Variants in RPAP1 observed in about 807,000 individuals in gnomAD.
RPAP1 encodes the protein RNA polymerase II-associated protein 1.
A neutral mutation model predicts 142.4 loss-of-function variants in RPAP1; 109 were observed. The observed-to-expected ratio is 0.77, with a 90% CI of 0.66 to 0.90. The LOEUF is 0.90. Ranked by LOEUF, RPAP1 falls within the 40% of genes least tolerant of loss-of-function variation. The pLI, the probability that RPAP1 is intolerant of heterozygous loss-of-function variation, is 0.00. For synonymous variants in RPAP1, 704 were observed against 738.9 expected (o/e 0.95, Z 0.77); for missense variants, 1,546 against 1,751.7 (o/e 0.88, Z 2.10).
chr15:41,529,063 A>G (rs1424579264), intron 9 of RPAP1, among the ~76,000 whole-genome samples: 2 of 152,134 alleles, frequency 1.3e-5, no homozygotes, highest in African/African-American at 4.8e-5. Flanking sequence ...AGCCTAAGAA[A>G]CTGAATGCCA....
At position 41,527,615 on chromosome 15, in the gene RPAP1, G is replaced by A; in HGVS notation, c.1429-10C>T. The A allele has an allele frequency of 1.2e-6, 2 of 1,607,452 alleles. No homozygotes were observed. The highest frequency in any genetic ancestry group is 8.5e-7 in the Non-Finnish European group (1 of 1,177,246). On this transcript the variant is annotated splice_polypyrimidine_tract_variant and intron_variant, in intron 11 of 24. Transcript: ENST00000304330. ...TGCTGTCGAGGAGCTCCTGCCAGAG[G>A]AACGGGAGTTGGGGGGCAATGCTGA...
At chr15:41,530,181 C>G (rs1042896188) in intron 7 of RPAP1, among the ~76,000 whole-genome samples, 1 of 152,138 alleles carries the variant, frequency 6.6e-6, no homozygotes, top group Non-Finnish European at 1.5e-5. Context: ...CAGACACACT[C>G]CATCCTGGGC....
intron 6 of RPAP1, among the ~76,000 whole-genome samples, chr15:41,531,627 ATTTTTTTTTTTTTTTT>A (rs150550154): frequency 4.5e-5 from 1 of 22,032 alleles, no homozygotes. Context: ...ATATATATAT[ATTTTTTTTTTTTTTTT>A]TTTTTTTTTT....
At chr15:41,535,370 CT>C in intron 5 of RPAP1, 141 bp downstream of exon 5, 1 of 1,217,048 alleles carries the variant, frequency 8.2e-7, no homozygotes, top group Non-Finnish European at 1.1e-6. Flanking sequence ...GGACCCAAGC[CT>C]CCCATACCTA....
rs751037669 is a variant in RPAP1, at chr15:41,522,175, G to C, written c.2818C>G (p.Leu940Val). The C allele has an allele frequency of 1.2e-6, 2 of 1,614,106 alleles. No individual in the cohort carries two copies. The highest frequency in any genetic ancestry group is 2.2e-5 in the East Asian group (1 of 44,882). The change falls in exon 20 of 25, where the codon CTC (leucine) becomes GTC (valine). Residue 940 changes from leucine (L) to valine (V), a missense_variant. Leu to Val is a conservative substitution (Grantham distance 32, BLOSUM62 1). Coordinates refer to ENST00000304330, the MANE Select transcript of RPAP1 (RefSeq NM_015540.4). ...AGGGCCCATGCAGAGAAAGGTGTGAGGTGTGGGGCAGCCCCAGGAGCCACA... is the reference window on the plus strand; with the variant it reads ...AGGGCCCATGCAGAGAAAGGTGTGACGTGTGGGGCAGCCCCAGGAGCCACA... ...QCVAPGAAPH[L>V]TPFSAWALRH...
intron 2 of RPAP1, 26 bp from the exon 3 acceptor site, chr15:41,536,675 G>A: frequency 6.2e-7 from 1 of 1,610,552 alleles, no homozygotes; most frequent in Non-Finnish European, 8.5e-7. Context: ...TCCCAAACGT[G>A]AGTATATGCA....
At position 41,534,825 on chromosome 15, in the gene RPAP1, G is replaced by C; in HGVS notation, c.652C>G (p.Gln218Glu). Residue 218 changes from glutamine to glutamate, a missense_variant, in exon 6 of 25, where the codon CAA becomes GAA. This residue lies in a region of RPAP1 where 1,333 missense variants were observed against 1,486.6 expected (regional missense o/e 0.90). Transcript: ENST00000304330. ...GTCTGGGCTTCCTGCTCAGCTTCTT[G>C]ATCCCTGAGCCCCTTCCCTGTGACC... is the stretch of plus-strand genomic sequence containing the variant. Reference protein sequence around the residue: ...NLVTGKGLRDQEAEQEAQTIH... With the variant: ...NLVTGKGLRDEEAEQEAQTIH... 1 of 1,614,132 alleles carries C rather than the reference G, an allele frequency of 6.2e-7. No homozygotes were observed. Among genetic ancestry groups the C allele is most frequent in the Non-Finnish European group, 8.5e-7 (1 of 1,180,016 alleles).
In RPAP1 at chr15:41,535,579, T is replaced by C; in HGVS notation, c.474A>G (p.Ala158=). 6.2e-7 allele frequency: 1 copy of C among 1,614,086 alleles called. No individual in the cohort carries two copies. Among genetic ancestry groups the C allele is most frequent in the Non-Finnish European group, 8.5e-7 (1 of 1,179,990 alleles). The part of the protein sequence containing the change: ...KRSIFAQEIA[A]RRIAEAKGPS... ...GGCCCTTGGCTTCAGCTATCCTCCTTGCCGCAATTTCCTGGGCAAAGATGC... is the reference window on the plus strand; with the variant it reads ...GGCCCTTGGCTTCAGCTATCCTCCTCGCCGCAATTTCCTGGGCAAAGATGC... Residue 158 remains alanine (A), a synonymous_variant, in exon 5 of 25, where the codon GCA becomes GCG. Transcript: ENST00000304330.
chr15:41,527,573 A>G lies in RPAP1; in HGVS notation c.1461T>C (p.His487=), dbSNP rs753710623. ...ELLDSTFSWY[H]GALTFPLMPS... ...GCATCAGAGGGAACGTCAAAGCTCCATGGTACCAAGAGAAGGTGCTGTCGA... is the reference window on the plus strand; with the variant it reads ...GCATCAGAGGGAACGTCAAAGCTCCGTGGTACCAAGAGAAGGTGCTGTCGA... The change falls in exon 12 of 25, where the codon CAT becomes CAC. Residue 487 remains histidine, a synonymous_variant. Transcript: ENST00000304330. 6.8e-6 allele frequency: 11 copies of G among 1,613,834 alleles called. No homozygotes were observed. The highest frequency in any genetic ancestry group is 4.5e-5 in the East Asian group (2 of 44,882).
Position 41,534,909 on chromosome 15 carries a change from G to A in RPAP1, c.568C>T (p.Pro190Ser). 6.2e-7 allele frequency: 1 copy of A among 1,614,152 alleles called. No individual in the cohort carries two copies. Residue 190 changes from proline to serine, a missense_variant, in exon 6 of 25, where the codon CCT (proline) becomes TCT (serine). Pro to Ser is a moderately conservative substitution (Grantham distance 74). Coordinates refer to ENST00000304330, the MANE Select transcript of RPAP1 (RefSeq NM_015540.4). ...EGAVTCETPT[P>S]RNQGCQLPGS... is the part of the protein sequence containing the mutation. Reference sequence around the variant, plus strand: ...GGAAGCTGGCAGCCCTGGTTCCTAGGAGTGGGTGTCTCACAGGTCACGGCA... The same window carrying A: ...GGAAGCTGGCAGCCCTGGTTCCTAGAAGTGGGTGTCTCACAGGTCACGGCA...
intron 6 of RPAP1, 28 bp downstream of exon 6, chr15:41,534,686 T>A: frequency 1.3e-6 from 2 of 1,561,056 alleles, no homozygotes; most frequent in Non-Finnish European, 1.8e-6. Flanking sequence ...CCTAGCCTGG[T>A]CTCAGCAGGA....
At chr15:41,543,423 G>C (rs61463203) in intron 1 of RPAP1, among the ~76,000 whole-genome samples, 2 of 151,918 alleles carry the variant, frequency 1.3e-5, no homozygotes, top group East Asian at 3.9e-4. Flanking sequence ...ATGTTGGCCA[G>C]ACTGGTCTCG....
chr15:41,527,722 C>T, intron 11 of RPAP1, 117 bp from the exon 12 acceptor site: 1 of 1,457,146 alleles, frequency 6.9e-7, no homozygotes, highest in Non-Finnish European at 9.2e-7. Flanking sequence ...GCTTTAGGGA[C>T]TTTAGGAGAT....
chr15:41,541,284 G>A (rs367837497), intron 1 of RPAP1, among the ~76,000 whole-genome samples: 1 of 152,026 alleles, frequency 6.6e-6, no homozygotes, highest in East Asian at 1.9e-4. Context: ...TTAGGCAGGC[G>A]TGGTGGCATG....
rs770094599 is a variant in RPAP1, at chr15:41,527,896, A to G, written c.1392T>C (p.Arg464=). The G allele has an allele frequency of 1.9e-6, 3 of 1,614,078 alleles. No individual in the cohort carries two copies. The highest frequency in any genetic ancestry group is 8.5e-7 in the Non-Finnish European group (1 of 1,180,000). The stretch of plus-strand genomic sequence containing the variant: ...GAGCCACCAGCAGAGCCCGAAGAGC[A>G]CGGATGGCGGTTGCAATGACCCCAT... ...RVDGVIATAI[R]ALRALLVAPG... Residue 464 remains arginine, a synonymous_variant, in exon 11 of 25, where the codon CGT becomes CGC. Coordinates refer to ENST00000304330, the MANE Select transcript of RPAP1 (RefSeq NM_015540.4).
intron 1 of RPAP1, among the ~76,000 whole-genome samples, chr15:41,540,118 G>A (rs1423171914): frequency 6.6e-6 from 1 of 152,108 alleles, no homozygotes; most frequent in Non-Finnish European, 1.5e-5. Flanking sequence ...CGCTGGGCTG[G>A]CCAAAGATAT....
rs1028841529 is a variant in RPAP1 at position 41,539,279 on chromosome 15, G to T, written c.-76-2078C>A. ...GCACCACCACACTCAGCTAATTTTT[G>T]TTTTTTTTTTTGTTTTTTGTTTTTT... is the stretch of plus-strand genomic sequence containing the variant. On this transcript the variant is annotated intron_variant, in intron 1 of 24. Coordinates refer to ENST00000304330, the MANE Select transcript of RPAP1 (RefSeq NM_015540.4). 1.8e-4 allele frequency among the ~76,000 whole-genome samples: 25 copies of T among 142,242 alleles called. No homozygotes were observed. In the South Asian group the frequency reaches 3.2e-3, roughly 18 times the overall value. The allele number at this position is 142,242 out of a possible 152,430, so 93.3% of individuals were successfully genotyped here.
rs1413715571 is a variant in RPAP1, at chr15:41,520,939, G to A, written c.3247C>T (p.Arg1083Ter). Residue 1083 changes from arginine to a stop codon, truncating the protein, a stop_gained, in exon 22 of 25, where the codon CGA (arginine) becomes TGA (stop). Coordinates refer to ENST00000304330, the MANE Select transcript of RPAP1 (RefSeq NM_015540.4). LOFTEE classifies it high-confidence loss of function. ...SQALHRGELQ[R>*]VPTLLLPMPT... Reference sequence around the variant, plus strand: ...ATGGGCAGTAGCAGGGTTGGGACTCGCTGTAGCTCCCCTCGGTGCAGAGCC... The same window carrying A: ...ATGGGCAGTAGCAGGGTTGGGACTCACTGTAGCTCCCCTCGGTGCAGAGCC... 3 of 1,612,208 alleles carry A rather than the reference G, an allele frequency of 1.9e-6. No homozygotes were observed. Among genetic ancestry groups the A allele is most frequent in the Non-Finnish European group, 2.5e-6 (3 of 1,179,206 alleles).
chr15:41,532,584 GT>G (rs1426376487), intron 6 of RPAP1, among the ~76,000 whole-genome samples: 1 of 152,126 alleles, frequency 6.6e-6, no homozygotes, highest in African/African-American at 2.4e-5. Context: ...GTATCACAGA[GT>G]AGAAGAGACT....
Sources: allele counts gnomAD v4.1 joint callset (sites outside exome capture counted in the v4.1 genomes callset), GRCh38; gene constraint gnomAD v4.1.1; regional missense constraint gnomAD v4.1.1; transcripts MANE v1.5; gene names NCBI Gene and HGNC (gene_info 2026-07-23, HGNC 2026-07-21).